SIAH2: variants seen among roughly 807,000 people sequenced by gnomAD.
The protein encoded by SIAH2 is siah E3 ubiquitin protein ligase 2.
Under a neutral mutation model 20.4 loss-of-function variants are expected in SIAH2, and 4 were observed. The observed-to-expected ratio is 0.20, with a 90% CI of 0.10 to 0.45. The LOEUF (loss-of-function observed/expected upper bound fraction) is 0.45, where lower values mean the gene tolerates loss of function less well. Ranked by LOEUF, SIAH2 falls within the 20% of genes least tolerant of loss-of-function variation. The probability of loss-of-function intolerance (pLI) is 0.99; values close to 1 mark genes in which losing one functional copy is unlikely to be tolerated. For missense variants in SIAH2, 259 were observed against 440.3 expected, an observed-to-expected ratio of 0.59 and a Z score of 3.69; for synonymous variants, 171 against 192.5, an observed-to-expected ratio of 0.89 and a Z score of 0.93.
At chr3:150,755,761 C>T (rs1283047381) in intron 1 of SIAH2, among the ~76,000 whole-genome samples, 1 of 152,074 alleles carries the variant, frequency 6.6e-6, no homozygotes, top group Non-Finnish European at 1.5e-5. Flanking sequence ...AGGTGATCTG[C>T]CCGCCTCGGC....
intron 1 of SIAH2, among the ~76,000 whole-genome samples, chr3:150,752,191 T>C (rs2108121459): frequency 6.6e-6 from 1 of 152,332 alleles, no homozygotes; most frequent in Non-Finnish European, 1.5e-5. Flanking sequence ...CATGCCAGGT[T>C]CCCACCTGCA....
intron 1 of SIAH2, among the ~76,000 whole-genome samples, chr3:150,761,327 T>C (rs993309502): frequency 6.6e-6 from 1 of 152,246 alleles, no homozygotes; most frequent in Non-Finnish European, 1.5e-5. Context: ...AAACTGCTCC[T>C]GAAGGTTTCC....
rs758412699 is a variant in SIAH2, at chr3:150,762,621, G to A, written c.229C>T (p.Leu77Phe). ...VSPQHHELTS[L>F]FECPVCFDYV... ...TCAAAGCAGACCGGACACTCGAAGA[G>A]CGAGGTCAGCTCGTGGTGCTGCGGG... The change falls in exon 1 of 2, where the codon CTC becomes TTC. Residue 77 changes from leucine to phenylalanine, a missense_variant. By Grantham distance (22) the Leu-to-Phe change is conservative (BLOSUM62 0). Coordinates refer to ENST00000312960, the MANE Select transcript of SIAH2 (RefSeq NM_005067.7). This position sits in a 1 kb window ranked among gnomAD's most constrained non-coding sequence, Gnocchi z 6.6. 4.6e-5 allele frequency: 74 copies of A among 1,610,388 alleles called. No individual in the cohort carries two copies. Among genetic ancestry groups the A allele is most frequent in the Non-Finnish European group, 5.9e-5 (70 of 1,179,036 alleles).
rs1714637264 is a variant in SIAH2, at chr3:150,762,349, C to T, written c.417+84G>A. ...TTTTTTAAATGAGAGATGCCGCCCG[C>T]CTCTCCGGGCCTGCGAGTGGGCTGG... On this transcript the variant is annotated intron_variant, in intron 1 of 1. Transcript: ENST00000312960. The surrounding 1 kb of genome is among the most constrained non-coding windows in gnomAD (Gnocchi z 6.6). The T allele has an allele frequency of 6.6e-7, 1 of 1,506,362 alleles. No homozygotes were observed. The highest frequency in any genetic ancestry group is 8.8e-7 in the Non-Finnish European group (1 of 1,132,364). The allele number at this position is 1,506,362 out of a possible 1,614,324, so 93.3% of individuals were successfully genotyped here.
chr3:150,752,542 G>C (rs952086861), intron 1 of SIAH2, among the ~76,000 whole-genome samples: 1 of 152,118 alleles, frequency 6.6e-6, no homozygotes, highest in Non-Finnish European at 1.5e-5. Context: ...CCGGGCGGCA[G>C]AGGTTGCAGT....
Position 150,762,862 on chromosome 3 carries a change from CA to C in SIAH2, c.-14del. On this transcript the variant is annotated 5_prime_UTR_variant, in exon 1 of 2. Coordinates refer to ENST00000312960, the MANE Select transcript of SIAH2 (RefSeq NM_005067.7). This position sits in a 1 kb window ranked among gnomAD's most constrained non-coding sequence, Gnocchi z 6.6. ...ACGGGCGGCTCATCGCGCTCCGAAC[CA>C]ACCATGGAACTGCGGGCGCCTGCCT... 1.7e-6 allele frequency: 2 copies of C among 1,199,058 alleles called. No homozygotes were observed. The highest frequency in any genetic ancestry group is 2.1e-6 in the Non-Finnish European group (2 of 953,618). The allele number at this position is 1,199,058 out of a possible 1,614,324, so 74.3% of individuals were successfully genotyped here.
Position 150,741,166 on chromosome 3 carries a change from G to A in SIAH2, c.*975C>T, listed in dbSNP as rs1714078151. On this transcript the variant is annotated 3_prime_UTR_variant, in exon 2 of 2. Coordinates refer to ENST00000312960, the MANE Select transcript of SIAH2 (RefSeq NM_005067.7). ...ATTTATTAAAAAACTAGTGAATGTG[G>A]CAGAAAAACAAAACCAACACACAGC... is the stretch of plus-strand genomic sequence containing the variant. 6.6e-6 allele frequency: 1 copy of A among 152,594 alleles called. No individual in the cohort carries two copies. Among genetic ancestry groups the A allele is most frequent in the South Asian group, 2.1e-4 (1 of 4,832 alleles). 9.5% of individuals were successfully genotyped at this position (152,594 alleles called of 1,614,324 possible). A position where few individuals can be genotyped will look rare whatever the true frequency, so the allele number is the denominator to read the frequency against.
Position 150,742,548 on chromosome 3 carries a change from G to A in SIAH2, c.568C>T (p.His190Tyr). 1 of 1,613,986 alleles carries A rather than the reference G, an allele frequency of 6.2e-7. No individual in the cohort carries two copies. The highest frequency in any genetic ancestry group is 2.2e-5 in the East Asian group (1 of 44,884). Reference protein sequence around the residue: ...SLEAVMSHLMHAHKSITTLQG... With the variant: ...SLEAVMSHLMYAHKSITTLQG... Reference sequence around the variant, plus strand: ...AGGGTGGTAATGCTCTTGTGGGCGTGCATGAGATGGGACATCACAGCTTCC... The same window carrying A: ...AGGGTGGTAATGCTCTTGTGGGCGTACATGAGATGGGACATCACAGCTTCC... Residue 190 changes from histidine to tyrosine, a missense_variant, in exon 2 of 2, where the codon CAC becomes TAC. Transcript: ENST00000312960. The surrounding 1 kb of genome is among the most constrained non-coding windows in gnomAD (Gnocchi z 4.8).
intron 1 of SIAH2, among the ~76,000 whole-genome samples, chr3:150,743,272 C>T (rs1390220259): frequency 1.3e-5 from 2 of 152,254 alleles, no homozygotes; most frequent in Non-Finnish European, 2.9e-5. Context: ...GCTAGGGCAG[C>T]GGAGGCCTGG....
At chr3:150,743,649 C>T (rs1714148641) in intron 1 of SIAH2, among the ~76,000 whole-genome samples, 1 of 152,166 alleles carries the variant, frequency 6.6e-6, no homozygotes, top group African/African-American at 2.4e-5. Flanking sequence ...CATTTTCTCC[C>T]TTGCACTTGG....
chr3:150,750,583 A>C (rs1714333727), intron 1 of SIAH2, among the ~76,000 whole-genome samples: 1 of 151,776 alleles, frequency 6.6e-6, no homozygotes, highest in South Asian at 2.1e-4. Context: ...AAGATTTAAA[A>C]ATTTTTTTTT....
chr3:150,746,112 A>C (rs1425537651), intron 1 of SIAH2, among the ~76,000 whole-genome samples: 1 of 152,088 alleles, frequency 6.6e-6, no homozygotes, highest in Admixed American at 6.6e-5. Flanking sequence ...AACCTCAAGG[A>C]GGCCAGGCGC....
At chr3:150,755,396 T>C (rs1179433924) in intron 1 of SIAH2, among the ~76,000 whole-genome samples, 1 of 139,446 alleles carries the variant, frequency 7.2e-6, no homozygotes, top group Non-Finnish European at 1.5e-5. Context: ...ATTGGCAAGA[T>C]CTCAGCTCAC....
intron 1 of SIAH2, among the ~76,000 whole-genome samples, chr3:150,756,180 A>ATTT (rs1212574722): frequency 6.6e-6 from 1 of 152,220 alleles, no homozygotes; most frequent in Non-Finnish European, 1.5e-5. Context: ...CTTAAAATAA[A>ATTT]GATACATTTG....
chr3:150,758,298 T>TA (rs1389391399), intron 1 of SIAH2, among the ~76,000 whole-genome samples: 2 of 152,110 alleles, frequency 1.3e-5, no homozygotes, highest in African/African-American at 4.8e-5. Context: ...AAGGTATCAT[T>TA]ACAGTGTAAG....
intron 1 of SIAH2, among the ~76,000 whole-genome samples, chr3:150,753,289 CA>C (rs1714410032): frequency 6.6e-6 from 1 of 152,174 alleles, no homozygotes; most frequent in African/African-American, 2.4e-5. Flanking sequence ...CCTGGAACTG[CA>C]GGAGATTCCA....
At chr3:150,761,524 T>C (rs976857492) in intron 1 of SIAH2, among the ~76,000 whole-genome samples, 4 of 152,174 alleles carry the variant, frequency 2.6e-5, no homozygotes, top group African/African-American at 9.7e-5. Context: ...GTGTGGGTAT[T>C]AAAAAACCTC....
intron 1 of SIAH2, among the ~76,000 whole-genome samples, chr3:150,749,752 A>G (rs1357958516): frequency 6.6e-6 from 1 of 152,246 alleles, no homozygotes; most frequent in African/African-American, 2.4e-5. Context: ...TTTTGCAATG[A>G]GAAATGAATT....
intron 1 of SIAH2, among the ~76,000 whole-genome samples, chr3:150,747,712 G>A (rs919596431): frequency 8.6e-5 from 13 of 151,988 alleles, no homozygotes; most frequent in African/African-American, 2.9e-4. Flanking sequence ...AGGTTGAGTC[G>A]GGTGGATCAC....
Sources: gnomAD v4.1 joint callset for allele counts (sites outside exome capture counted in the v4.1 genomes callset) on GRCh38, gnomAD v4.1.1 for gene constraint, Gnocchi (gnomAD v3.1) non-coding constraint, MANE v1.5 for transcripts, NCBI Gene and HGNC (gene_info 2026-07-23, HGNC 2026-07-21) for gene names.